The following PRKCA variants were observed in gnomAD, a reference collection of about 807,000 sequenced individuals.
PRKCA encodes the protein protein kinase C alpha.
Under a neutral mutation model 87.0 loss-of-function variants are expected in PRKCA, and 27 were observed. The ratio of observed to expected loss-of-function variants is 0.31; its 90% CI spans 0.23 to 0.43. The LOEUF (loss-of-function observed/expected upper bound fraction) is 0.43. Among genes scored for constraint, PRKCA ranks in the 20% least tolerant of loss-of-function variants. PRKCA has a pLI of 1.00. For missense variants in PRKCA, 518 were observed against 852.3 expected, an observed-to-expected ratio of 0.61 and a Z score of 4.88; for synonymous variants, 329 against 311.1, an observed-to-expected ratio of 1.06 and a Z score of -0.61.
At chr17:66,682,974 T>C (rs1031565184) in intron 5 of PRKCA, among the ~76,000 whole-genome samples, 1 of 152,214 alleles carries the variant, frequency 6.6e-6, no homozygotes, top group Non-Finnish European at 1.5e-5. Flanking sequence ...CTGAAGGTAC[T>C]GTACGGATGT....
intron 11 of PRKCA, among the ~76,000 whole-genome samples, chr17:66,739,595 G>A (rs963572739): frequency 1.3e-5 from 2 of 152,162 alleles, no homozygotes; most frequent in African/African-American, 4.8e-5. Context: ...AGGATAACAC[G>A]TAAGCCCCTA....
intron 16 of PRKCA, chr17:66,797,054 A>G (rs1215829598): frequency 1.1e-6 from 1 of 894,332 alleles, no homozygotes; most frequent in East Asian, 1.2e-4. Flanking sequence ...CATAGCTGAG[A>G]CCATGGGGTT....
intron 3 of PRKCA, among the ~76,000 whole-genome samples, chr17:66,586,267 C>T (rs1217807906): frequency 6.6e-6 from 1 of 152,134 alleles, no homozygotes; most frequent in African/African-American, 2.4e-5. Flanking sequence ...AAAGTGGCTG[C>T]CTTCTTTCCT....
intron 3 of PRKCA, among the ~76,000 whole-genome samples, chr17:66,562,041 T>A (rs993661846): frequency 9.3e-4 from 111 of 119,648 alleles, no homozygotes; most frequent in Non-Finnish European, 1.5e-3. Flanking sequence ...GTGGTCAATT[T>A]AATTATATAT....
intron 2 of PRKCA, chr17:66,339,647 G>C (rs1906920094): frequency 6.6e-6 from 1 of 152,148 alleles, no homozygotes. Context: ...AAATATAACA[G>C]CTGTTTTGAA....
chr17:66,727,834 G>C (rs112217400), intron 8 of PRKCA, among the ~76,000 whole-genome samples: 1 of 152,098 alleles, frequency 6.6e-6, no homozygotes, highest in Non-Finnish European at 1.5e-5. Flanking sequence ...GTCAAGCCTC[G>C]CGCTGCATCT....
intron 2 of PRKCA, among the ~76,000 whole-genome samples, chr17:66,437,935 A>T (rs1362232604): frequency 6.6e-6 from 1 of 151,728 alleles, no homozygotes; most frequent in Non-Finnish European, 1.5e-5. Context: ...GGATACCAGG[A>T]GTAAATAAGT....
intron 6 of PRKCA, 135 bp from the exon 7 acceptor site, chr17:66,688,167 G>C (rs543403246): frequency 1.8e-6 from 2 of 1,082,706 alleles, no homozygotes. Flanking sequence ...GCCAGCATAA[G>C]GGGTTGGTAT....
Position 66,587,895 on chromosome 17 carries a change from GTATATATATATATATATA to G in PRKCA, c.289-53440_289-53423del, listed in dbSNP as rs71160580. Among the ~76,000 whole-genome samples the G allele has an allele frequency of 6.8e-3, 581 of 85,376 alleles. 56 individuals carry two copies. Among genetic ancestry groups the G allele is most frequent in the African/African-American group, 0.02 (500 of 25,034 alleles). 56.0% of individuals were successfully genotyped at this position (85,376 alleles called of 152,430 possible). A position where few individuals can be genotyped will look rare whatever the true frequency, so the allele number is the denominator to read the frequency against. ...TGTGTGTGTGTGTGTGTGTGTGTGT[GTATATATATATATATATA>G]TATATATATATATATATATCCTGCA... On this transcript the variant is annotated intron_variant, in intron 3 of 16. Transcript: ENST00000413366.
intron 3 of PRKCA, among the ~76,000 whole-genome samples, chr17:66,610,880 G>A (rs1320408367): frequency 6.6e-6 from 1 of 152,140 alleles, no homozygotes; most frequent in Non-Finnish European, 1.5e-5. Context: ...TACAGTACAA[G>A]GCATGTCAGG....
intron 2 of PRKCA, among the ~76,000 whole-genome samples, chr17:66,350,829 A>T (rs73341552): frequency 0.022 from 3,294 of 152,186 alleles, 121 homozygotes; most frequent in African/African-American, 0.074. Context: ...CTAGCCTGGG[A>T]CCAGTTTTTG....
intron 3 of PRKCA, among the ~76,000 whole-genome samples, chr17:66,508,464 G>A (rs1215437339): frequency 6.6e-6 from 1 of 152,094 alleles, no homozygotes; most frequent in African/African-American, 2.4e-5. Context: ...CCTGATGTTG[G>A]GGATGTCATG....
intron 2 of PRKCA, among the ~76,000 whole-genome samples, chr17:66,319,185 G>A (rs1007433122): frequency 6.6e-6 from 1 of 152,110 alleles, no homozygotes; most frequent in South Asian, 2.1e-4. Flanking sequence ...GGTCTGCCAT[G>A]AATCTAATGA....
At chr17:66,708,340 G>A (rs774239955) in intron 8 of PRKCA, among the ~76,000 whole-genome samples, 13 of 151,980 alleles carry the variant, frequency 8.6e-5, no homozygotes, top group African/African-American at 2.9e-4. Context: ...TGTGTGGTCC[G>A]GGAAGGATTC....
At chr17:66,522,174 C>T (rs1249300390) in intron 3 of PRKCA, among the ~76,000 whole-genome samples, 3 of 152,152 alleles carry the variant, frequency 2.0e-5, no homozygotes, top group Non-Finnish European at 4.4e-5. Context: ...GGATGTGGAC[C>T]AGGAGCCCCG....
intron 2 of PRKCA, among the ~76,000 whole-genome samples, chr17:66,360,989 A>C (rs1908355957): frequency 6.6e-6 from 1 of 151,934 alleles, no homozygotes. Flanking sequence ...GGTGATTAAA[A>C]ATAGAAAAGT....
At chr17:66,653,068 C>T (rs1369143649) in intron 5 of PRKCA, among the ~76,000 whole-genome samples, 8 of 152,224 alleles carry the variant, frequency 5.3e-5, no homozygotes, top group Non-Finnish European at 1.2e-4. Context: ...CTTAGAGCCA[C>T]CTGGGACTGG....
intron 16 of PRKCA, among the ~76,000 whole-genome samples, chr17:66,799,241 GTGA>G (rs1335033451): frequency 1.2e-5 from 1 of 80,644 alleles, no homozygotes; most frequent in Non-Finnish European, 2.7e-5. Context: ...GGTGGTGGTG[GTGA>G]TGGTGGTGGT....
chr17:66,420,138 A>T (rs1322806688), intron 2 of PRKCA, among the ~76,000 whole-genome samples: 1 of 151,544 alleles, frequency 6.6e-6, no homozygotes, highest in Admixed American at 6.6e-5. Context: ...CAGCCTCCCA[A>T]GTAGCTGGGA....
Sources: gnomAD v4.1 joint callset for allele counts (sites outside exome capture counted in the v4.1 genomes callset) on GRCh38, gnomAD v4.1.1 for gene constraint, MANE v1.5 for transcripts, NCBI Gene and HGNC (gene_info 2026-07-23, HGNC 2026-07-21) for gene names.